The following USP13 variants were observed in gnomAD, a reference collection of about 807,000 sequenced individuals.
The protein encoded by USP13 is ubiquitin specific peptidase 13.
A neutral mutation model predicts 107.8 loss-of-function variants in USP13; 68 were observed. That is an observed-to-expected ratio of 0.63 (90% CI 0.52 to 0.77). The LOEUF (loss-of-function observed/expected upper bound fraction) is 0.77, where lower values mean the gene tolerates loss of function less well. USP13 is among the 30% of genes least tolerant of loss of function. The pLI, the probability that USP13 is intolerant of heterozygous loss-of-function variation, is 0.00. For synonymous variants in USP13, 377 were observed against 389.5 expected (o/e 0.97, Z 0.38); for missense variants, 945 against 1,093.3 (o/e 0.86, Z 1.91).
chr3:179,694,596 A>T (rs1712221105), intron 3 of USP13, among the ~76,000 whole-genome samples: 1 of 152,020 alleles, frequency 6.6e-6, no homozygotes, highest in Non-Finnish European at 1.5e-5. Flanking sequence ...TGAGGTCAGG[A>T]GTTCGGCAGC....
chr3:179,669,173 T>G (rs1485202597), intron 1 of USP13, among the ~76,000 whole-genome samples: 1 of 152,128 alleles, frequency 6.6e-6, no homozygotes, highest in African/African-American at 2.4e-5. Context: ...CCTAAAATTA[T>G]ATCCTGGCTG....
intron 3 of USP13, among the ~76,000 whole-genome samples, chr3:179,699,243 TAATA>T (rs1712422025): frequency 6.6e-6 from 1 of 152,240 alleles, no homozygotes; most frequent in Non-Finnish European, 1.5e-5. Context: ...CACATTTTCA[TAATA>T]TATAGAATCT....
intron 1 of USP13, among the ~76,000 whole-genome samples, chr3:179,680,343 A>G (rs1022871837): frequency 2.0e-5 from 3 of 152,138 alleles, no homozygotes; most frequent in African/African-American, 7.2e-5. Flanking sequence ...AATGCTTGGC[A>G]CTAGAAGTGT....
At position 179,725,424 on chromosome 3, in the gene USP13, T is replaced by C. The variant is rs191962883; in HGVS notation, c.1088+3835T>C. On this transcript the variant is annotated intron_variant, in intron 8 of 20. Transcript: ENST00000263966. ...AGTCCCTGCATCTAAATAGTTTAAC[T>C]CTGAAGTTTGGTTTATGTCTTGTTT... Among the ~76,000 whole-genome samples the C allele has an allele frequency of 2.4e-3, 372 of 152,312 alleles. 2 individuals carry two copies. Among genetic ancestry groups the C allele is most frequent in the Admixed American group, 8.6e-3 (131 of 15,306 alleles).
At chr3:179,696,417 G>A (rs941860452) in intron 3 of USP13, among the ~76,000 whole-genome samples, 6 of 139,674 alleles carry the variant, frequency 4.3e-5, no homozygotes, top group African/African-American at 1.6e-4. Flanking sequence ...CGCAACCTCC[G>A]CCTCCCGGGT....
chr3:179,657,968 A>T (rs755019537), intron 1 of USP13, among the ~76,000 whole-genome samples: 4 of 151,948 alleles, frequency 2.6e-5, no homozygotes, highest in African/African-American at 9.7e-5. Flanking sequence ...CCTCATTTCT[A>T]TGAGTGTACT....
chr3:179,700,864 G>T, intron 3 of USP13, 144 bp from the exon 4 acceptor site: 1 of 925,506 alleles, frequency 1.1e-6, no homozygotes, highest in Non-Finnish European at 1.6e-6. Context: ...CAGATGGACG[G>T]CCCTGTCAGA....
chr3:179,764,171 G>A lies in USP13; in HGVS notation c.2259+3G>A, dbSNP rs377263372. 2.0e-5 allele frequency: 32 copies of A among 1,589,918 alleles called. No homozygotes were observed. In the African/African-American group the frequency reaches 3.7e-4, roughly 19 times the overall value. ...CTATTCAGGCACTACGAGCAACGGTGAGCATGAGAGACTGTGTGTGTGTGT... is the reference window on the plus strand; with the variant it reads ...CTATTCAGGCACTACGAGCAACGGTAAGCATGAGAGACTGTGTGTGTGTGT... On this transcript the variant is annotated splice_donor_region_variant and intron_variant, in intron 18 of 20. Coordinates refer to ENST00000263966, the MANE Select transcript of USP13 (RefSeq NM_003940.3).
chr3:179,742,489 C>A lies in USP13; in HGVS notation c.1534+139C>A. On this transcript the variant is annotated intron_variant, in intron 12 of 20. Transcript: ENST00000263966. This position sits in a 1 kb window ranked among gnomAD's most constrained non-coding sequence, Gnocchi z 5.0. ...GATGTCTGCTTTGCACATCTCTTTT[C>A]ATCTCTTTGTTAGTTCCCATGTGAC... is the stretch of plus-strand genomic sequence containing the variant. 1 of 1,072,452 alleles carries A rather than the reference C, an allele frequency of 9.3e-7. No homozygotes were observed. The highest frequency in any genetic ancestry group is 2.6e-5 in the East Asian group (1 of 38,100). 66.4% of individuals were successfully genotyped at this position (1,072,452 alleles called of 1,614,324 possible).
At chr3:179,777,029 TTTG>T (rs1023322031) in intron 19 of USP13, among the ~76,000 whole-genome samples, 27 of 152,118 alleles carry the variant, frequency 1.8e-4, no homozygotes, top group African/African-American at 6.5e-4. Flanking sequence ...GAGATTCTCT[TTTG>T]TTGTTGTTTC....
intron 19 of USP13, among the ~76,000 whole-genome samples, chr3:179,768,787 G>A (rs1202058429): frequency 6.6e-6 from 1 of 152,122 alleles, no homozygotes; most frequent in Non-Finnish European, 1.5e-5. Flanking sequence ...CTATATAGAG[G>A]GGTTGGCAGT....
intron 3 of USP13, among the ~76,000 whole-genome samples, chr3:179,696,731 G>A (rs948738736): frequency 3.3e-5 from 5 of 152,122 alleles, no homozygotes; most frequent in African/African-American, 1.2e-4. Flanking sequence ...ACACTATTAG[G>A]TTGTGTTGTA....
At chr3:179,690,395 T>C (rs1278285184) in intron 3 of USP13, 94 bp downstream of exon 3, 2 of 1,139,126 alleles carry the variant, frequency 1.8e-6, no homozygotes, top group African/African-American at 1.5e-5. Flanking sequence ...TAATAGGTTG[T>C]TTATTGCTGT....
intron 2 of USP13, among the ~76,000 whole-genome samples, chr3:179,684,372 G>A (rs1264773063): frequency 2.6e-5 from 4 of 151,684 alleles, no homozygotes; most frequent in Admixed American, 6.6e-5. Flanking sequence ...GTGCAGTGGC[G>A]CCACCACGGC....
In USP13 at chr3:179,653,267, C is replaced by A. The variant is rs867529615; in HGVS notation, c.42C>A (p.Ser14Arg). The stretch of plus-strand genomic sequence containing the variant: ...CCCTGTTCGGCATGCCGGGCGGCAG[C>A]GGAGGCAGGAAGATGGCTGCAGGAG... The part of the protein sequence containing the change: ...RGALFGMPGG[S>R]GGRKMAAGDI... The change falls in exon 1 of 21, where the codon AGC (serine) becomes AGA (arginine). Residue 14 changes from serine to arginine, a missense_variant. Coordinates refer to ENST00000263966, the MANE Select transcript of USP13 (RefSeq NM_003940.3). The surrounding 1 kb of genome is among the most constrained non-coding windows in gnomAD (Gnocchi z 4.0). 6.4e-7 allele frequency: 1 copy of A among 1,564,330 alleles called. No homozygotes were observed. The highest frequency in any genetic ancestry group is 1.9e-5 in the Admixed American group (1 of 52,424).
chr3:179,719,891 C>A, intron 6 of USP13, 49 bp from the exon 7 acceptor site: 2 of 1,510,916 alleles, frequency 1.3e-6, no homozygotes, highest in South Asian at 1.1e-5. Flanking sequence ...GTTGGATATT[C>A]AGTGACTTGA....
In USP13 at chr3:179,653,581, C is replaced by A. The variant is rs1720156597; in HGVS notation, c.168+188C>A. On this transcript the variant is annotated intron_variant, in intron 1 of 20. Coordinates refer to ENST00000263966, the MANE Select transcript of USP13 (RefSeq NM_003940.3). This position sits in a 1 kb window ranked among gnomAD's most constrained non-coding sequence, Gnocchi z 4.0. ...GGGCTGCTGCAGCCGAGGACTGGCT[C>A]GTGCTGGTGGTTTTGCTCCGCCAGC... 3.7e-6 allele frequency: 3 copies of A among 815,716 alleles called. No homozygotes were observed. The highest frequency in any genetic ancestry group is 3.1e-5 in the East Asian group (1 of 32,554). 50.5% of individuals were successfully genotyped at this position (815,716 alleles called of 1,614,324 possible).
At position 179,678,978 on chromosome 3, in the gene USP13, T is replaced by C. The variant is rs981641462; in HGVS notation, c.169-2900T>C. 6.6e-6 allele frequency among the ~76,000 whole-genome samples: 1 copy of C among 152,156 alleles called. No homozygotes were observed. The highest frequency in any genetic ancestry group is 1.5e-5 in the Non-Finnish European group (1 of 68,038). On this transcript the variant is annotated intron_variant, in intron 1 of 20. Coordinates refer to ENST00000263966, the MANE Select transcript of USP13 (RefSeq NM_003940.3). This position sits in a 1 kb window ranked among gnomAD's most constrained non-coding sequence, Gnocchi z 4.2. ...CTTTCTTTGTGATCTTTATACCTTTTATTTATTTATTTATTTAGTTTGCTT... is the reference window on the plus strand; with the variant it reads ...CTTTCTTTGTGATCTTTATACCTTTCATTTATTTATTTATTTAGTTTGCTT...
At chr3:179,759,347 T>C (rs576815737) in intron 16 of USP13, among the ~76,000 whole-genome samples, 19 of 152,350 alleles carry the variant, frequency 1.2e-4, no homozygotes, top group African/African-American at 3.6e-4. Context: ...TATCTATATA[T>C]CTTTTAAGAC....
Sources: gnomAD v4.1 joint callset for allele counts (sites outside exome capture counted in the v4.1 genomes callset) on GRCh38, gnomAD v4.1.1 for gene constraint, Gnocchi (gnomAD v3.1) non-coding constraint, MANE v1.5 for transcripts, NCBI Gene and HGNC (gene_info 2026-07-23, HGNC 2026-07-21) for gene names.